PCDHA5: variants seen among roughly 807,000 people sequenced by gnomAD.
PCDHA5 encodes protocadherin alpha-5.
Under a neutral mutation model 61.6 loss-of-function variants are expected in PCDHA5, and 43 were observed. The observed-to-expected ratio is 0.70, with a 90% CI of 0.55 to 0.90. PCDHA5 has a LOEUF of 0.90. Ranked by LOEUF, PCDHA5 falls within the 40% of genes least tolerant of loss-of-function variation. The pLI, the probability that PCDHA5 is intolerant of heterozygous loss-of-function variation, is 0.00. For synonymous variants in PCDHA5, 627 were observed against 543.9 expected, an observed-to-expected ratio of 1.15 and a Z score of -2.13; for missense variants, 1,298 against 1,222.7, an observed-to-expected ratio of 1.06 and a Z score of -0.92.
intron 1 of PCDHA5, among the ~76,000 whole-genome samples, chr5:140,881,049 A>C (rs990514512): frequency 6.6e-6 from 1 of 152,238 alleles, no homozygotes; most frequent in Admixed American, 6.5e-5. Flanking sequence ...AGAGTTGTGC[A>C]CAGAACAGGC....
At chr5:140,824,307 A>G (rs2150134018) in intron 1 of PCDHA5, 180 bp downstream of exon 1, 9 of 785,582 alleles carry the variant, frequency 1.1e-5, no homozygotes, top group Admixed American at 2.5e-5. Context: ...CTGGGGTAAT[A>G]GATTCATCAG....
intron 1 of PCDHA5, among the ~76,000 whole-genome samples, chr5:140,947,593 T>C (rs2094149533): frequency 1.3e-5 from 2 of 151,712 alleles, no homozygotes; most frequent in African/African-American, 2.4e-5. Context: ...TAGATCAATT[T>C]AGGGAAGATT....
chr5:140,824,848 GT>G (rs1205508305), intron 1 of PCDHA5: 1 of 151,796 alleles, frequency 6.6e-6, no homozygotes, highest in African/African-American at 2.4e-5. Context: ...CACTAATTTA[GT>G]TTGTTTTCAA....
intron 1 of PCDHA5, among the ~76,000 whole-genome samples, chr5:140,964,690 A>G (rs1554227180): frequency 2.6e-5 from 4 of 152,036 alleles, no homozygotes. Context: ...TGTGCACTTG[A>G]GAGATTAAGG....
chr5:140,875,452 C>CA, intron 1 of PCDHA5: 1 of 1,592,570 alleles, frequency 6.3e-7, no homozygotes, highest in Non-Finnish European at 8.6e-7. Context: ...TGTCCCAACT[C>CA]AGAGGCCCTC....
chr5:140,947,580 A>G (rs1031254382), intron 1 of PCDHA5, among the ~76,000 whole-genome samples: 2 of 151,664 alleles, frequency 1.3e-5, no homozygotes, highest in Non-Finnish European at 3.0e-5. Context: ...TGTTTTTAAC[A>G]TTTAGATCAA....
intron 3 of PCDHA5, among the ~76,000 whole-genome samples, chr5:141,000,339 ATC>A (rs1414297743): frequency 2.0e-5 from 2 of 102,334 alleles, no homozygotes; most frequent in Admixed American, 1.0e-4. Context: ...GCAAGGCCCT[ATC>A]TCTCTCTCTG....
intron 1 of PCDHA5, chr5:140,830,289 C>T (rs1554132712): frequency 1.2e-6 from 2 of 1,613,858 alleles, no homozygotes; most frequent in Non-Finnish European, 1.7e-6. Flanking sequence ...GGCGCGTGCA[C>T]GGCGGACAAG....
chr5:140,929,233 C>T (rs782744711), intron 1 of PCDHA5: 5 of 1,613,786 alleles, frequency 3.1e-6, no homozygotes, highest in Non-Finnish European at 8.5e-7. Flanking sequence ...TGCCGACCTG[C>T]GAAATCTTGC....
Position 141,009,978 on chromosome 5 carries a change from A to G in PCDHA5, c.*41A>G. On this transcript the variant is annotated 3_prime_UTR_variant, in exon 4 of 4. Coordinates refer to ENST00000529859, the MANE Select transcript of PCDHA5 (RefSeq NM_018908.3). Reference sequence around the variant, plus strand: ...ACAAGCCACTTAGCCAGTTTTTGTAATAATGGCAAATCTCTCCCATGTAGC... The same window carrying G: ...ACAAGCCACTTAGCCAGTTTTTGTAGTAATGGCAAATCTCTCCCATGTAGC... 2 of 1,583,512 alleles carry G rather than the reference A, an allele frequency of 1.3e-6. No homozygotes were observed. Among genetic ancestry groups the G allele is most frequent in the Non-Finnish European group, 1.7e-6 (2 of 1,168,204 alleles).
rs555659207 is a variant in PCDHA5, at chr5:140,967,475, C to A, written c.2353-11474C>A. 2.5e-6 allele frequency: 4 copies of A among 1,613,342 alleles called. No homozygotes were observed. In the East Asian group the frequency reaches 8.9e-5, roughly 36 times the overall value. On this transcript the variant is annotated intron_variant, in intron 1 of 3. Coordinates refer to ENST00000529859, the MANE Select transcript of PCDHA5 (RefSeq NM_018908.3). ...AGCCGTGGATGGGGGCATCCCAGCC[C>A]GCTCGGGTACGGCACAGATCTCTGT...
chr5:140,927,256 C>T, intron 1 of PCDHA5: 1 of 1,614,144 alleles, frequency 6.2e-7, no homozygotes, highest in Non-Finnish European at 8.5e-7. Context: ...TGACAACTCA[C>T]CTCTCTTTCC....
chr5:140,876,873 C>G (rs781921402), intron 1 of PCDHA5: 1 of 1,614,128 alleles, frequency 6.2e-7, no homozygotes, highest in Non-Finnish European at 8.5e-7. Context: ...TGAAGGAGAA[C>G]AACCCGCCGG....
chr5:140,870,197 G>A lies in PCDHA5; in HGVS notation c.2352+46070G>A. The stretch of plus-strand genomic sequence containing the variant: ...CCAGTACGAGAGGACGCTCAGCCCA[G>A]CACGGTCATTGCCCTGATCAGCGTG... On this transcript the variant is annotated intron_variant, in intron 1 of 3. Coordinates refer to ENST00000529859, the MANE Select transcript of PCDHA5 (RefSeq NM_018908.3). 1 of 1,614,174 alleles carries A rather than the reference G, an allele frequency of 6.2e-7. No individual in the cohort carries two copies. Among genetic ancestry groups the A allele is most frequent in the East Asian group, 2.2e-5 (1 of 44,880 alleles).
intron 1 of PCDHA5, chr5:140,852,198 T>G (rs2150513327): frequency 1.4e-6 from 1 of 691,814 alleles, no homozygotes; most frequent in Non-Finnish European, 1.8e-6. Context: ...CCAGTAACGT[T>G]TATTTAAAAC....
intron 1 of PCDHA5, among the ~76,000 whole-genome samples, chr5:140,922,430 A>C (rs574413053): frequency 6.6e-6 from 1 of 152,364 alleles, no homozygotes; most frequent in East Asian, 1.9e-4. Flanking sequence ...GGCTGAGGGC[A>C]GAACTCTCTC....
intron 1 of PCDHA5, chr5:140,848,467 A>C: frequency 6.5e-7 from 1 of 1,545,570 alleles, no homozygotes; most frequent in Non-Finnish European, 8.8e-7. Context: ...GGCAATTTTC[A>C]CTAATTAGAA....
rs2150502964 is a variant in PCDHA5 at position 140,850,934 on chromosome 5, T to C, written c.2352+26807T>C. On this transcript the variant is annotated intron_variant, in intron 1 of 3. Transcript: ENST00000529859. ...TATTTATTTATATAATTTTTTTTCTTGAAAGATATTATCGATTACTCCCAG... is the reference window on the plus strand; with the variant it reads ...TATTTATTTATATAATTTTTTTTCTCGAAAGATATTATCGATTACTCCCAG... 3.0e-5 allele frequency: 45 copies of C among 1,514,272 alleles called. 2 individuals are homozygous for C. The South Asian group carries it at 5.0e-4, about 17-fold the overall frequency. The allele number at this position is 1,514,272 out of a possible 1,614,324, so 93.8% of individuals were successfully genotyped here.
chr5:140,897,999 G>A (rs1411789620), intron 1 of PCDHA5, among the ~76,000 whole-genome samples: 3 of 152,142 alleles, frequency 2.0e-5, no homozygotes, highest in East Asian at 1.9e-4. Context: ...TTTGAGAAGT[G>A]TCTGTTCATA....
Sources: allele counts gnomAD v4.1 joint callset (sites outside exome capture counted in the v4.1 genomes callset), GRCh38; gene constraint gnomAD v4.1.1; transcripts MANE v1.5; gene names NCBI Gene and HGNC (gene_info 2026-07-23, HGNC 2026-07-21).